DMRT3: variants seen among roughly 807,000 people sequenced by gnomAD.
DMRT3 encodes the protein doublesex- and mab-3-related transcription factor 3.
A neutral mutation model predicts 34.9 loss-of-function variants in DMRT3; 29 were observed. The observed-to-expected ratio is 0.83, with a 90% CI of 0.62 to 1.13. The LOEUF is 1.13. Among genes scored for constraint, DMRT3 ranks in the 50% most tolerant of loss-of-function variants. The pLI, the probability that DMRT3 is intolerant of heterozygous loss-of-function variation, is 0.00. For missense variants in DMRT3, 772 were observed against 629.1 expected (o/e 1.23, Z -2.43); for synonymous variants, 350 against 286.0 (o/e 1.22, Z -2.26).
chr9:984,392 G>C (rs1340982807), intron 1 of DMRT3, among the ~76,000 whole-genome samples: 1 of 151,100 alleles, frequency 6.6e-6, no homozygotes, highest in Non-Finnish European at 1.5e-5. Context: ...GAACTATTTT[G>C]TTTTCGTAGA....
rs113877127 is a variant in DMRT3 at position 977,712 on chromosome 9, G to T, written c.454+257G>T. Reference sequence around the variant, plus strand: ...AACGACGGGACTGTGCGTCAGTATCGCCAGGTGCCTTCCCAGGTTGAAGGG... The same window carrying T: ...AACGACGGGACTGTGCGTCAGTATCTCCAGGTGCCTTCCCAGGTTGAAGGG... On this transcript the variant is annotated intron_variant, in intron 1 of 1. Coordinates refer to ENST00000190165, the MANE Select transcript of DMRT3 (RefSeq NM_021240.4). Among the ~76,000 whole-genome samples the T allele has an allele frequency of 8.1e-3, 1,232 of 152,326 alleles. 22 individuals carry two copies. Among genetic ancestry groups the T allele is most frequent in the African/African-American group, 0.027 (1,111 of 41,578 alleles).
intron 1 of DMRT3, among the ~76,000 whole-genome samples, chr9:979,644 G>A (rs1324207003): frequency 6.6e-6 from 1 of 152,004 alleles, no homozygotes; most frequent in African/African-American, 2.4e-5. Flanking sequence ...ATGGGGAGTG[G>A]GGAGAAAGGT....
At chr9:989,953 A>G (rs752593158) in intron 1 of DMRT3, 88 bp from the exon 2 acceptor site, 46 of 1,521,382 alleles carry the variant, frequency 3.0e-5, no homozygotes, top group African/African-American at 4.2e-5. Flanking sequence ...TGCTCTTCCA[A>G]AAAGCACGTG....
intron 1 of DMRT3, among the ~76,000 whole-genome samples, chr9:979,656 G>C (rs1023137399): frequency 6.6e-6 from 1 of 152,048 alleles, no homozygotes; most frequent in African/African-American, 2.4e-5. Flanking sequence ...GAGAAAGGTA[G>C]GAAAATAATA....
rs1388730178 is a variant in DMRT3 at position 990,645 on chromosome 9, CTT to C, written c.1060_1061del (p.Leu354GlyfsTer34). ...ADSSNVVPSP[L>X]AGPLQPPFPQ... ...ACTCTAGCAACGTTGTCCCCAGTCCCTTGGCTGGGCCTCTGCAGCCCCCTTTC... is the reference window on the plus strand; with the variant it reads ...ACTCTAGCAACGTTGTCCCCAGTCCCGGCTGGGCCTCTGCAGCCCCCTTTC... On this transcript the variant is annotated frameshift_variant, in exon 2 of 2. Coordinates refer to ENST00000190165, the MANE Select transcript of DMRT3 (RefSeq NM_021240.4). LOFTEE classifies it high-confidence loss of function. 2 of 1,614,176 alleles carry C rather than the reference CTT, an allele frequency of 1.2e-6. No individual in the cohort carries two copies. The highest frequency in any genetic ancestry group is 1.7e-6 in the Non-Finnish European group (2 of 1,180,024).
chr9:988,763 G>A (rs1387381016), intron 1 of DMRT3, among the ~76,000 whole-genome samples: 1 of 152,148 alleles, frequency 6.6e-6, no homozygotes, highest in East Asian at 1.9e-4. Context: ...CACAGGCAAA[G>A]CAATTGTTTA....
chr9:980,547 A>AC, intron 1 of DMRT3, among the ~76,000 whole-genome samples: 1 of 38,564 alleles, frequency 2.6e-5, no homozygotes, highest in Non-Finnish European at 7.3e-5. Flanking sequence ...TATATCTATT[A>AC]AAAGCTATAT....
At position 990,526 on chromosome 9, in the gene DMRT3, T is replaced by C; in HGVS notation, c.940T>C (p.Phe314Leu). Residue 314 changes from phenylalanine to leucine, a missense_variant, in exon 2 of 2, where the codon TTT (phenylalanine) becomes CTT (leucine). Phe to Leu is a conservative substitution (Grantham distance 22). Transcript: ENST00000190165. ...SLALPSNGHI[F>L]EHTLSSYPIS... is the part of the protein sequence containing the mutation. ...AGCGTTGCCCTCCAATGGGCACATCTTTGAACACACCTTGAGCTCCTACCC... is the reference window on the plus strand; with the variant it reads ...AGCGTTGCCCTCCAATGGGCACATCCTTGAACACACCTTGAGCTCCTACCC... 2 of 1,614,080 alleles carry C rather than the reference T, an allele frequency of 1.2e-6. No individual in the cohort carries two copies. Among genetic ancestry groups the C allele is most frequent in the Non-Finnish European group, 1.7e-6 (2 of 1,180,020 alleles).
chr9:990,973 T>C lies in DMRT3; in HGVS notation c.1387T>C (p.Ser463Pro), dbSNP rs151108780. ...CGACTATGACGAGAGGTCTGACTCC[T>C]CAGACTCTAGAACACTCAACACATC... Reference protein sequence around the residue: ...EDDYDERSDSSDSRTLNTSS With the variant: ...EDDYDERSDSPDSRTLNTSS The change falls in exon 2 of 2, where the codon TCA (serine) becomes CCA (proline). Residue 463 changes from serine (S) to proline (P), a missense_variant. Transcript: ENST00000190165. The C allele has an allele frequency of 6.5e-4, 1,055 of 1,613,924 alleles. 6 individuals carry two copies. The African/African-American group carries it at 0.012, about 19-fold the overall frequency.
chr9:979,376 ACTT>A (rs1392300708), intron 1 of DMRT3, among the ~76,000 whole-genome samples: 7 of 152,154 alleles, frequency 4.6e-5, no homozygotes, highest in African/African-American at 1.7e-4. Flanking sequence ...TTTTACTCCT[ACTT>A]AGCACTCAGG....
intron 1 of DMRT3, among the ~76,000 whole-genome samples, chr9:979,293 G>C (rs940639916): frequency 1.3e-5 from 2 of 152,192 alleles, no homozygotes; most frequent in African/African-American, 4.8e-5. Context: ...AGTAGGCAGC[G>C]GCAGCAGGAT....
chr9:990,041 A>T lies in DMRT3; in HGVS notation c.455A>T (p.Asp152Val), dbSNP rs758065161. 2 of 1,613,674 alleles carry T rather than the reference A, an allele frequency of 1.2e-6. No individual in the cohort carries two copies. The highest frequency in any genetic ancestry group is 1.7e-6 in the Non-Finnish European group (2 of 1,179,910). ...GALQAQLAKPDLTEERLGDGK... is the reference protein window; with the variant it reads ...GALQAQLAKPVLTEERLGDGK... Reference sequence around the variant, plus strand: ...TTAACTCAGCTGTTCTGTTTTCCAGATTTGACTGAAGAACGACTTGGAGAC... The same window carrying T: ...TTAACTCAGCTGTTCTGTTTTCCAGTTTTGACTGAAGAACGACTTGGAGAC... The change falls in exon 2 of 2, where the codon GAT (aspartate) becomes GTT (valine). Residue 152 changes from aspartate to valine, a missense_variant and splice_region_variant. Physicochemically the swap from Asp to Val is radical, Grantham distance 152 (BLOSUM62 -3). Transcript: ENST00000190165.
intron 1 of DMRT3, among the ~76,000 whole-genome samples, chr9:977,856 T>A (rs1483557979): frequency 6.6e-6 from 1 of 151,646 alleles, no homozygotes; most frequent in East Asian, 2.0e-4. Context: ...GCTTTAGAGG[T>A]CCTTGCCATT....
At chr9:981,331 G>C (rs1007427044) in intron 1 of DMRT3, among the ~76,000 whole-genome samples, 2 of 151,664 alleles carry the variant, frequency 1.3e-5, no homozygotes, top group East Asian at 3.9e-4. Context: ...CGGAACACTC[G>C]TCCAGGCCAG....
intron 1 of DMRT3, among the ~76,000 whole-genome samples, chr9:981,458 A>G (rs1422935131): frequency 2.0e-5 from 3 of 152,196 alleles, no homozygotes; most frequent in African/African-American, 7.2e-5. Flanking sequence ...AGACAGCTTG[A>G]TTTGAGGGTG....
intron 1 of DMRT3, among the ~76,000 whole-genome samples, chr9:987,899 G>A (rs1218687639): frequency 1.3e-5 from 2 of 152,100 alleles, no homozygotes; most frequent in Non-Finnish European, 2.9e-5. Flanking sequence ...CTTTTCAAGT[G>A]TTTAATAATT....
chr9:977,415 G>C lies in DMRT3; in HGVS notation c.414G>C (p.Glu138Asp). The C allele has an allele frequency of 1.6e-6, 2 of 1,267,626 alleles. No homozygotes were observed. The highest frequency in any genetic ancestry group is 3.0e-5 in the African/African-American group (2 of 65,890). The allele number at this position is 1,267,626 out of a possible 1,614,324, so 78.5% of individuals were successfully genotyped here. The change falls in exon 1 of 2, where the codon GAG becomes GAC. Residue 138 changes from glutamate to aspartate, a missense_variant. Physicochemically the swap from Glu to Asp is conservative, Grantham distance 45. Transcript: ENST00000190165. The part of the protein sequence containing the change: ...AAAAALRWTA[E>D]PQPGALQAQL... Reference sequence around the variant, plus strand: ...CCGCCGCGCTGCGTTGGACTGCCGAGCCGCAGCCCGGGGCTCTGCAGGCGC... The same window carrying C: ...CCGCCGCGCTGCGTTGGACTGCCGACCCGCAGCCCGGGGCTCTGCAGGCGC...
intron 1 of DMRT3, among the ~76,000 whole-genome samples, chr9:982,637 G>C (rs1820236250): frequency 6.6e-6 from 1 of 152,214 alleles, no homozygotes; most frequent in African/African-American, 2.4e-5. Flanking sequence ...GCTGCAGCCA[G>C]TCAGCACTTT....
At chr9:983,596 A>G (rs1386750985) in intron 1 of DMRT3, among the ~76,000 whole-genome samples, 1 of 152,222 alleles carries the variant, frequency 6.6e-6, no homozygotes, top group African/African-American at 2.4e-5. Context: ...ATAGTAAGGC[A>G]TTTAGGGGCA....
Sources: allele counts gnomAD v4.1 joint callset (sites outside exome capture counted in the v4.1 genomes callset), GRCh38; gene constraint gnomAD v4.1.1; transcripts MANE v1.5; gene names NCBI Gene and HGNC (gene_info 2026-07-23, HGNC 2026-07-21).